Variants in CAMK2G observed in about 807,000 individuals in gnomAD.
CAMK2G encodes the protein calcium/calmodulin dependent protein kinase II gamma.
CAMK2G carries 23 observed loss-of-function variants against 88.7 expected under a neutral mutation model. That is an observed-to-expected ratio of 0.26 (90% CI 0.19 to 0.37). The LOEUF (loss-of-function observed/expected upper bound fraction) is 0.37. CAMK2G is among the 10% of genes least tolerant of loss of function. CAMK2G has a pLI of 1.00. For synonymous variants in CAMK2G, 263 were observed against 294.8 expected (o/e 0.89, Z 1.11); for missense variants, 476 against 780.8 (o/e 0.61, Z 4.65).
At chr10:73,831,715 C>T (rs1004723064) in intron 14 of CAMK2G, among the ~76,000 whole-genome samples, 1 of 151,268 alleles carries the variant, frequency 6.6e-6, no homozygotes, top group African/African-American at 2.4e-5. Flanking sequence ...CAAAAATCAG[C>T]CGGGCGTGGT....
intron 18 of CAMK2G, among the ~76,000 whole-genome samples, chr10:73,820,720 T>C (rs2088164075): frequency 7.3e-6 from 1 of 136,600 alleles, no homozygotes; most frequent in South Asian, 2.5e-4. Flanking sequence ...TTGCCCAGGC[T>C]GGAGTGCAAT....
intron 17 of CAMK2G, among the ~76,000 whole-genome samples, chr10:73,823,461 G>A (rs1004927660): frequency 5.1e-4 from 77 of 151,470 alleles, no homozygotes; most frequent in African/African-American, 1.5e-3. Flanking sequence ...GGCGATCTGC[G>A]CACCTTGGCC....
intron 14 of CAMK2G, among the ~76,000 whole-genome samples, chr10:73,832,435 T>C (rs1228316910): frequency 2.0e-5 from 3 of 152,160 alleles, no homozygotes; most frequent in Non-Finnish European, 4.4e-5. Context: ...GCCTTCCAAG[T>C]GGCTGGGATT....
At chr10:73,852,574 G>C (rs1490062057) in intron 4 of CAMK2G, 1 of 508,932 alleles carries the variant, frequency 2.0e-6, no homozygotes, top group Non-Finnish European at 3.5e-6. Context: ...GTCAGGCAGA[G>C]ATGAAGATAC....
At chr10:73,872,446 C>T (rs999960928) in intron 2 of CAMK2G, among the ~76,000 whole-genome samples, 3 of 152,276 alleles carry the variant, frequency 2.0e-5, no homozygotes, top group African/African-American at 7.2e-5. Flanking sequence ...TCAAGTTCAT[C>T]TGGCAGAATT....
intron 16 of CAMK2G, among the ~76,000 whole-genome samples, chr10:73,824,608 CCCACGCCG>C (rs1227964994): frequency 6.6e-6 from 1 of 152,216 alleles, no homozygotes; most frequent in Non-Finnish European, 1.5e-5. Context: ...AGTTCCTGGC[CCCACGCCG>C]CCACGTCATG....
At chr10:73,831,256 T>C (rs1329289427) in intron 14 of CAMK2G, among the ~76,000 whole-genome samples, 1 of 151,992 alleles carries the variant, frequency 6.6e-6, no homozygotes, top group African/African-American at 2.4e-5. Context: ...AAAAATGCAA[T>C]TGGCCGGGCA....
intron 2 of CAMK2G, among the ~76,000 whole-genome samples, chr10:73,869,953 G>A (rs1010177792): frequency 9.2e-5 from 14 of 152,152 alleles, no homozygotes; most frequent in African/African-American, 3.1e-4. Flanking sequence ...CCTAAACGAC[G>A]TAGAAGAAAG....
Position 73,842,682 on chromosome 10 carries a change from A to T in CAMK2G, c.820-141T>A. On this transcript the variant is annotated intron_variant, in intron 10 of 22. Coordinates refer to ENST00000423381, the MANE Select transcript of CAMK2G (RefSeq NM_001367534.1). The surrounding 1 kb of genome is among the most constrained non-coding windows in gnomAD (Gnocchi z 4.6). Reference sequence around the variant, plus strand: ...CTCTGAAGATGAAATGAGGTCACAGATGTGAAAACGCTTTTAGAATAAAAG... The same window carrying T: ...CTCTGAAGATGAAATGAGGTCACAGTTGTGAAAACGCTTTTAGAATAAAAG... 2 of 629,692 alleles carry T rather than the reference A, an allele frequency of 3.2e-6. No individual in the cohort carries two copies. Among genetic ancestry groups the T allele is most frequent in the Non-Finnish European group, 5.7e-6 (2 of 353,090 alleles). The allele number at this position is 629,692 out of a possible 1,614,324, so 39.0% of individuals were successfully genotyped here. A position where few individuals can be genotyped will look rare whatever the true frequency, so the allele number is the denominator to read the frequency against.
intron 14 of CAMK2G, among the ~76,000 whole-genome samples, chr10:73,829,266 TTTTATTTATTTATTTA>T (rs55861420): frequency 5.2e-4 from 74 of 141,032 alleles, no homozygotes; most frequent in African/African-American, 1.1e-3. Flanking sequence ...TACATTGGCC[TTTTATTTATTTATTTA>T]TTTATTTATT....
At chr10:73,872,928 C>A in intron 2 of CAMK2G, 61 bp downstream of exon 2, 1 of 1,099,088 alleles carries the variant, frequency 9.1e-7, no homozygotes, top group Non-Finnish European at 1.4e-6. Context: ...GGGGCTTCCT[C>A]AAAAGAAACC....
intron 14 of CAMK2G, among the ~76,000 whole-genome samples, chr10:73,829,552 G>A (rs1406033554): frequency 1.3e-5 from 2 of 151,742 alleles, no homozygotes; most frequent in South Asian, 2.1e-4. Flanking sequence ...CACCTACCTC[G>A]GCCTCCCAAA....
Position 73,842,140 on chromosome 10 carries a change from A to C in CAMK2G, c.946+29T>G. The C allele has an allele frequency of 6.3e-7, 1 of 1,593,484 alleles. No homozygotes were observed. The highest frequency in any genetic ancestry group is 8.6e-7 in the Non-Finnish European group (1 of 1,161,154). ...ATTCCTGATCCACTCACCTCGGCATAATCAAAGTACACAGCTGGGAAAACA... is the reference window on the plus strand; with the variant it reads ...ATTCCTGATCCACTCACCTCGGCATCATCAAAGTACACAGCTGGGAAAACA... On this transcript the variant is annotated intron_variant, in intron 12 of 22. Coordinates refer to ENST00000423381, the MANE Select transcript of CAMK2G (RefSeq NM_001367534.1). This position sits in a 1 kb window ranked among gnomAD's most constrained non-coding sequence, Gnocchi z 4.6.
intron 17 of CAMK2G, among the ~76,000 whole-genome samples, chr10:73,823,447 C>T (rs895408598): frequency 1.3e-5 from 2 of 152,162 alleles, no homozygotes; most frequent in Non-Finnish European, 2.9e-5. Flanking sequence ...AACTCCTGAG[C>T]TCAGGCGATC....
chr10:73,816,434 C>G (rs562569739), intron 21 of CAMK2G: 4 of 1,059,222 alleles, frequency 3.8e-6, no homozygotes, highest in African/African-American at 1.7e-5. Context: ...CCTTCCAATC[C>G]GTCTTGGAAA....
intron 15 of CAMK2G, among the ~76,000 whole-genome samples, chr10:73,827,025 C>A (rs1424127839): frequency 6.6e-6 from 1 of 152,174 alleles, no homozygotes; most frequent in African/African-American, 2.4e-5. Flanking sequence ...GAAGCAAAGC[C>A]CACCTAGCTC....
At chr10:73,818,431 G>C (rs1367781977) in intron 19 of CAMK2G, 1 of 330,744 alleles carries the variant, frequency 3.0e-6, no homozygotes, top group Non-Finnish European at 6.1e-6. Flanking sequence ...TGCCACCAGG[G>C]TAAGGGAGAG....
rs150847721 is a variant in CAMK2G at position 73,861,973 on chromosome 10, G to C, written c.161-1084C>G. ...AAAGAGAAACCAGGACACAAATCCT[G>C]CTTCTCCCCGGAGTCCTCTTGGCCA... On this transcript the variant is annotated intron_variant, in intron 2 of 22. Coordinates refer to ENST00000423381, the MANE Select transcript of CAMK2G (RefSeq NM_001367534.1). 4.1e-3 allele frequency among the ~76,000 whole-genome samples: 627 copies of C among 152,256 alleles called. 2 individuals carry two copies. Among genetic ancestry groups the C allele is most frequent in the African/African-American group, 0.014 (598 of 41,536 alleles).
rs777228582 is a variant in CAMK2G at position 73,814,998 on chromosome 10, T to G, written c.*12+5A>C. 7.6e-6 allele frequency: 12 copies of G among 1,588,908 alleles called. No homozygotes were observed. Among genetic ancestry groups the G allele is most frequent in the Non-Finnish European group, 8.6e-6 (10 of 1,159,228 alleles). On this transcript the variant is annotated splice_donor_5th_base_variant and intron_variant, in intron 22 of 22. Transcript: ENST00000423381. The stretch of plus-strand genomic sequence containing the variant: ...CAGCCCCTCTCCCCCGTCAACCAGG[T>G]GCACCTGTGGCTGAGCTCACTGCAG...
Sources: allele counts gnomAD v4.1 joint callset (sites outside exome capture counted in the v4.1 genomes callset), GRCh38; gene constraint gnomAD v4.1.1; non-coding constraint Gnocchi (gnomAD v3.1); transcripts MANE v1.5; gene names NCBI Gene and HGNC (gene_info 2026-07-23, HGNC 2026-07-21).